The following KCNQ5 variants were observed in gnomAD, a reference collection of about 807,000 sequenced individuals.
KCNQ5 encodes potassium voltage-gated channel subfamily KQT member 5.
In KCNQ5, 30 loss-of-function variants were observed where a neutral mutation model predicts 98.2. That is an observed-to-expected ratio of 0.31 (90% CI 0.23 to 0.41). The LOEUF (loss-of-function observed/expected upper bound fraction) is 0.41, where lower values mean the gene tolerates loss of function less well. Ranked by LOEUF, KCNQ5 falls within the 10% of genes least tolerant of loss-of-function variation. The pLI is 1.00. For synonymous variants in KCNQ5, 458 were observed against 449.4 expected (o/e 1.02, Z -0.24); for missense variants, 835 against 1,182.5 (o/e 0.71, Z 4.31).
intron 1 of KCNQ5, among the ~76,000 whole-genome samples, chr6:72,949,951 A>C (rs1232441770): frequency 6.6e-6 from 1 of 152,152 alleles, no homozygotes; most frequent in Non-Finnish European, 1.5e-5. Context: ...CCTCTCAAAT[A>C]GTTTTTTATT....
intron 1 of KCNQ5, among the ~76,000 whole-genome samples, chr6:72,743,015 T>A (rs1771208101): frequency 6.6e-6 from 1 of 152,126 alleles, no homozygotes; most frequent in African/African-American, 2.4e-5. Flanking sequence ...TTTTTAGGGG[T>A]GAATATTGTT....
intron 1 of KCNQ5, among the ~76,000 whole-genome samples, chr6:72,668,520 G>C (rs183537135): frequency 2.0e-5 from 3 of 152,116 alleles, no homozygotes; most frequent in African/African-American, 7.2e-5. Context: ...TTTTTTGTGA[G>C]CATAACATGA....
At chr6:73,105,391 G>GTA in intron 6 of KCNQ5, 24 bp downstream of exon 6, 1 of 1,486,698 alleles carries the variant, frequency 6.7e-7, no homozygotes, top group Non-Finnish European at 9.3e-7. Flanking sequence ...CACCAATAAA[G>GTA]CAGTTTAAAT....
intron 10 of KCNQ5, among the ~76,000 whole-genome samples, chr6:73,146,960 G>T (rs1776950603): frequency 6.6e-6 from 1 of 152,114 alleles, no homozygotes; most frequent in Non-Finnish European, 1.5e-5. Context: ...TTATGTCTTT[G>T]TTTTCTATTG....
chr6:72,975,522 T>A (rs944084073), intron 1 of KCNQ5, among the ~76,000 whole-genome samples: 1 of 152,170 alleles, frequency 6.6e-6, no homozygotes, highest in Admixed American at 6.5e-5. Context: ...CCATTGTAGG[T>A]CAATCCCTAG....
intron 11 of KCNQ5, among the ~76,000 whole-genome samples, chr6:73,181,093 G>A (rs915150729): frequency 6.6e-6 from 1 of 152,164 alleles, no homozygotes; most frequent in Admixed American, 6.5e-5. Context: ...ATATATAGAT[G>A]TCGTCTACCC....
intron 10 of KCNQ5, among the ~76,000 whole-genome samples, chr6:73,149,788 C>T (rs866142360): frequency 4.8e-5 from 6 of 125,130 alleles, no homozygotes; most frequent in African/African-American, 2.2e-4. Context: ...CAGTGGGAGA[C>T]TCCGAAAAAA....
intron 11 of KCNQ5, among the ~76,000 whole-genome samples, chr6:73,186,701 A>G (rs1328509668): frequency 1.3e-5 from 2 of 152,216 alleles, no homozygotes; most frequent in Non-Finnish European, 2.9e-5. Flanking sequence ...GTGAGGTTTG[A>G]GTACATATTA....
chr6:72,764,997 C>T (rs538926044), intron 1 of KCNQ5, among the ~76,000 whole-genome samples: 8 of 151,926 alleles, frequency 5.3e-5, no homozygotes, highest in East Asian at 1.9e-4. Context: ...GTATATGTAC[C>T]GCATTTTCTT....
At chr6:73,070,858 G>A (rs1204375500) in intron 3 of KCNQ5, among the ~76,000 whole-genome samples, 3 of 152,176 alleles carry the variant, frequency 2.0e-5, no homozygotes, top group South Asian at 2.1e-4. Context: ...TAGAAGGGAA[G>A]CACATATCTG....
rs368659818 is a variant in KCNQ5 at position 73,055,166 on chromosome 6, G to A, written c.616+13104G>A. ...GTGGAACCTGGAGAACCACTTCAGC[G>A]GCTGGTACGACGCCATCCTGAGCCC... On this transcript the variant is annotated intron_variant, in intron 3 of 13. Transcript: ENST00000370398. The A allele has an allele frequency of 8.5e-5, 70 of 822,742 alleles. No homozygotes were observed. The East Asian group carries it at 1.3e-3, about 15-fold the overall frequency. 51.0% of individuals were successfully genotyped at this position (822,742 alleles called of 1,614,324 possible).
intron 1 of KCNQ5, among the ~76,000 whole-genome samples, chr6:72,649,979 G>GT (rs1216812277): frequency 2.0e-5 from 3 of 152,032 alleles, no homozygotes; most frequent in African/African-American, 4.8e-5. Flanking sequence ...CAAGTGCTAT[G>GT]TTTTTTCTGA....
chr6:72,862,624 TTTTA>T (rs557785804), intron 1 of KCNQ5, among the ~76,000 whole-genome samples: 1 of 152,088 alleles, frequency 6.6e-6, no homozygotes, highest in Non-Finnish European at 1.5e-5. Flanking sequence ...CTTCCTACTT[TTTTA>T]TTTATTTATT....
intron 2 of KCNQ5, among the ~76,000 whole-genome samples, chr6:73,037,464 C>T (rs193082525): frequency 6.6e-6 from 1 of 152,096 alleles, no homozygotes; most frequent in African/African-American, 2.4e-5. Flanking sequence ...AAAATATCTC[C>T]ATTTTTTTCC....
At chr6:73,172,121 C>A (rs78806291) in intron 11 of KCNQ5, among the ~76,000 whole-genome samples, 3,344 of 152,212 alleles carry the variant, frequency 0.022, 68 homozygotes, top group East Asian at 0.1. Flanking sequence ...TTTAATGGAA[C>A]TTTACTATTT....
chr6:73,154,502 G>C (rs1353845585), intron 10 of KCNQ5, among the ~76,000 whole-genome samples: 3 of 152,060 alleles, frequency 2.0e-5, no homozygotes, highest in African/African-American at 7.2e-5. Context: ...AACTAAGTCT[G>C]GATTGCCTTC....
chr6:72,928,204 G>A (rs765208525), intron 1 of KCNQ5, among the ~76,000 whole-genome samples: 7 of 151,976 alleles, frequency 4.6e-5, no homozygotes, highest in Non-Finnish European at 1.5e-5. Context: ...CTTGCTTTCT[G>A]TTACTCTTAA....
chr6:72,786,593 A>G (rs1442389454), intron 1 of KCNQ5, among the ~76,000 whole-genome samples: 2 of 152,180 alleles, frequency 1.3e-5, no homozygotes, highest in African/African-American at 2.4e-5. Context: ...TCCATTACCC[A>G]GAGTCTAGAT....
intron 10 of KCNQ5, among the ~76,000 whole-genome samples, chr6:73,153,080 A>G (rs1159710338): frequency 6.6e-6 from 1 of 152,102 alleles, no homozygotes; most frequent in African/African-American, 2.4e-5. Context: ...ATTGCACGCA[A>G]CCTTCCTTAT....
Sources: gnomAD v4.1 joint callset for allele counts (sites outside exome capture counted in the v4.1 genomes callset) on GRCh38, gnomAD v4.1.1 for gene constraint, MANE v1.5 for transcripts, NCBI Gene and HGNC (gene_info 2026-07-23, HGNC 2026-07-21) for gene names.